MAP2K5: variants seen among roughly 807,000 people sequenced by gnomAD.
MAP2K5 encodes mitogen-activated protein kinase kinase 5, also known as dual specificity mitogen-activated protein kinase kinase 5.
A neutral mutation model predicts 83.1 loss-of-function variants in MAP2K5; 49 were observed. The ratio of observed to expected loss-of-function variants is 0.59; its 90% CI spans 0.47 to 0.75. MAP2K5 has a LOEUF of 0.75. Ranked by LOEUF, MAP2K5 falls within the 30% of genes least tolerant of loss-of-function variation. The pLI is 0.00. For synonymous variants in MAP2K5, 202 were observed against 191.8 expected, an observed-to-expected ratio of 1.05 and a Z score of -0.44; for missense variants, 457 against 557.5, an observed-to-expected ratio of 0.82 and a Z score of 1.82.
intron 2 of MAP2K5, among the ~76,000 whole-genome samples, chr15:67,558,399 C>T (rs1312320539): frequency 6.6e-6 from 1 of 152,226 alleles, no homozygotes; most frequent in African/African-American, 2.4e-5. Context: ...CCACCATCAT[C>T]TCTCACCGGG....
At position 67,636,284 on chromosome 15, in the gene MAP2K5, T is replaced by C. The variant is rs1319037820; in HGVS notation, c.585+5357T>C. 1.3e-5 allele frequency among the ~76,000 whole-genome samples: 2 copies of C among 152,078 alleles called. No individual in the cohort carries two copies. The highest frequency in any genetic ancestry group is 6.6e-5 in the Admixed American group (1 of 15,266). On this transcript the variant is annotated intron_variant, in intron 9 of 21. Coordinates refer to ENST00000178640, the MANE Select transcript of MAP2K5 (RefSeq NM_145160.3). The surrounding 1 kb of genome is among the most constrained non-coding windows in gnomAD (Gnocchi z 4.7). The stretch of plus-strand genomic sequence containing the variant: ...TTAGCTGGCCGTGGTGTCGGGCGCT[T>C]GTAGTCCCAGCTACTCAGGAGGCTG...
At chr15:67,642,511 A>G (rs552108046) in intron 9 of MAP2K5, 23 of 1,389,222 alleles carry the variant, frequency 1.7e-5, no homozygotes, top group African/African-American at 4.3e-5. Flanking sequence ...AGCTTCATGG[A>G]GACAATGGTG....
At chr15:67,598,235 A>T (rs1274519628) in intron 7 of MAP2K5, among the ~76,000 whole-genome samples, 2 of 152,144 alleles carry the variant, frequency 1.3e-5, no homozygotes, top group African/African-American at 2.4e-5. Flanking sequence ...TAAAACTAAA[A>T]AACTGTCAAT....
Position 67,665,887 on chromosome 15 carries a change from A to G in MAP2K5, c.847+1242A>G, listed in dbSNP as rs2087364780. ...TTGAACATTTTTGACTACCAAGAGT[A>G]AGAGATAACAGTATTCAACATGATA... is the stretch of plus-strand genomic sequence containing the variant. On this transcript the variant is annotated intron_variant, in intron 13 of 21. Transcript: ENST00000178640. This position sits in a 1 kb window ranked among gnomAD's most constrained non-coding sequence, Gnocchi z 4.2. Among the ~76,000 whole-genome samples, 1 of 152,178 alleles carries G rather than the reference A, an allele frequency of 6.6e-6. No individual in the cohort carries two copies. Among genetic ancestry groups the G allele is most frequent in the African/African-American group, 2.4e-5 (1 of 41,454 alleles).
intron 21 of MAP2K5, among the ~76,000 whole-genome samples, chr15:67,798,648 C>A (rs2090648028): frequency 6.6e-6 from 1 of 152,170 alleles, no homozygotes; most frequent in African/African-American, 2.4e-5. Flanking sequence ...GCTGCTTGAC[C>A]CCCTTAGGTG....
intron 8 of MAP2K5, among the ~76,000 whole-genome samples, chr15:67,613,647 T>A (rs2085984672): frequency 1.3e-5 from 2 of 152,160 alleles, no homozygotes; most frequent in Admixed American, 1.3e-4. Flanking sequence ...CAAATATTTT[T>A]ATATAAGTTC....
Position 67,563,340 on chromosome 15 carries a change from T to C in MAP2K5, c.242T>C (p.Met81Thr). The C allele has an allele frequency of 6.2e-7, 1 of 1,610,814 alleles. No homozygotes were observed. The highest frequency in any genetic ancestry group is 2.2e-5 in the East Asian group (1 of 44,758). The change falls in exon 3 of 22, where the codon ATG becomes ACG. Residue 81 changes from methionine to threonine, a missense_variant. Coordinates refer to ENST00000178640, the MANE Select transcript of MAP2K5 (RefSeq NM_145160.3). This position sits in a 1 kb window ranked among gnomAD's most constrained non-coding sequence, Gnocchi z 4.5. Reference protein sequence around the residue: ...TVRSDEEMKAMLSYYYSTVME... With the variant: ...TVRSDEEMKATLSYYYSTVME... ...AGAAGTGATGAGGAAATGAAGGCAA[T>C]GCTGTCATATGTAAGTATACGACAA...
chr15:67,548,038 C>G (rs374751567), intron 1 of MAP2K5, among the ~76,000 whole-genome samples: 1 of 152,160 alleles, frequency 6.6e-6, no homozygotes, highest in Non-Finnish European at 1.5e-5. Context: ...CCCTTTTCCT[C>G]GTATCAGGTG....
chr15:67,703,530 A>G, intron 16 of MAP2K5, 122 bp downstream of exon 16: 1 of 736,094 alleles, frequency 1.4e-6, no homozygotes, highest in South Asian at 1.8e-5. Flanking sequence ...AGATGTATAC[A>G]GAGTTTGACC....
intron 13 of MAP2K5, among the ~76,000 whole-genome samples, chr15:67,688,426 T>G (rs934197601): frequency 6.6e-6 from 1 of 152,216 alleles, no homozygotes; most frequent in African/African-American, 2.4e-5. Context: ...TTAGTAGCAT[T>G]GTTGAGGAAG....
intron 1 of MAP2K5, chr15:67,549,245 T>A: frequency 2.0e-6 from 3 of 1,466,968 alleles, no homozygotes; most frequent in Non-Finnish European, 1.8e-6. Flanking sequence ...GCTGTCTCAG[T>A]ATACTAATTT....
In MAP2K5 at chr15:67,586,834, C is replaced by A; in HGVS notation, c.364-12C>A. On this transcript the variant is annotated splice_polypyrimidine_tract_variant and intron_variant, in intron 5 of 21. Transcript: ENST00000178640. ...AACACAAGACTGATCAAGATTCTTTCTTTACTTATAGGTGAATACTCGGGC... is the reference window on the plus strand; with the variant it reads ...AACACAAGACTGATCAAGATTCTTTATTTACTTATAGGTGAATACTCGGGC... The A allele has an allele frequency of 6.2e-7, 1 of 1,613,290 alleles. No homozygotes were observed. The highest frequency in any genetic ancestry group is 1.3e-5 in the African/African-American group (1 of 75,026).
Position 67,692,555 on chromosome 15 carries a change from A to G in MAP2K5, c.921+3A>G, listed in dbSNP as rs1439646091. On this transcript the variant is annotated splice_donor_region_variant and intron_variant, in intron 14 of 21. Coordinates refer to ENST00000178640, the MANE Select transcript of MAP2K5 (RefSeq NM_145160.3). The stretch of plus-strand genomic sequence containing the variant: ...GTGATTTTGGAGTTAGCACTCAGGT[A>G]TGTCTCTTTTCCTCCCAGTGTACTG... 1 of 1,609,226 alleles carries G rather than the reference A, an allele frequency of 6.2e-7. No homozygotes were observed. Among genetic ancestry groups the G allele is most frequent in the Non-Finnish European group, 8.5e-7 (1 of 1,175,884 alleles).
rs1465575452 is a variant in MAP2K5, at chr15:67,746,662, A to G, written c.1075-1569A>G. Among the ~76,000 whole-genome samples the G allele has an allele frequency of 1.3e-5, 2 of 152,210 alleles. No individual in the cohort carries two copies. Among genetic ancestry groups the G allele is most frequent in the African/African-American group, 2.4e-5 (1 of 41,450 alleles). On this transcript the variant is annotated intron_variant, in intron 17 of 21. Coordinates refer to ENST00000178640, the MANE Select transcript of MAP2K5 (RefSeq NM_145160.3). The surrounding 1 kb of genome is among the most constrained non-coding windows in gnomAD (Gnocchi z 4.1). ...GAAATACTCATGGACTGGAGAAACCAGAAGAAGCAGTAATTCAGGACAACA... is the reference window on the plus strand; with the variant it reads ...GAAATACTCATGGACTGGAGAAACCGGAAGAAGCAGTAATTCAGGACAACA...
At chr15:67,697,481 A>G (rs899219979) in intron 15 of MAP2K5, among the ~76,000 whole-genome samples, 2 of 152,210 alleles carry the variant, frequency 1.3e-5, no homozygotes, top group Non-Finnish European at 2.9e-5. Flanking sequence ...CTAAATTCTT[A>G]ATTGCTGTGC....
chr15:67,713,053 T>C (rs2088733095), intron 16 of MAP2K5, among the ~76,000 whole-genome samples: 1 of 152,118 alleles, frequency 6.6e-6, no homozygotes, highest in Non-Finnish European at 1.5e-5. Flanking sequence ...AAAGAAAAAT[T>C]TTAAATTTTA....
chr15:67,651,752 T>G (rs1464457730), intron 11 of MAP2K5, among the ~76,000 whole-genome samples: 1 of 152,226 alleles, frequency 6.6e-6, no homozygotes, highest in Non-Finnish European at 1.5e-5. Flanking sequence ...TTTATCTTTA[T>G]TTTTTCTTCG....
chr15:67,658,650 G>T (rs772158341), intron 12 of MAP2K5, 36 bp downstream of exon 12: 7 of 1,505,026 alleles, frequency 4.7e-6, no homozygotes, highest in South Asian at 3.4e-5. Flanking sequence ...AAATTTGAGT[G>T]ATTTAATCCT....
chr15:67,653,669 C>G (rs1304244674), intron 11 of MAP2K5, among the ~76,000 whole-genome samples: 1 of 151,626 alleles, frequency 6.6e-6, no homozygotes, highest in African/African-American at 2.4e-5. Flanking sequence ...TTTCTATTCT[C>G]TGTTTTGTTT....
Sources: allele counts gnomAD v4.1 joint callset (sites outside exome capture counted in the v4.1 genomes callset), GRCh38; gene constraint gnomAD v4.1.1; non-coding constraint Gnocchi (gnomAD v3.1); transcripts MANE v1.5; gene names NCBI Gene and HGNC (gene_info 2026-07-23, HGNC 2026-07-21).